The following TRAPPC12 variants were observed in gnomAD, a reference collection of about 807,000 sequenced individuals.
The protein encoded by TRAPPC12 is trafficking protein particle complex subunit 12.
Under a neutral mutation model 69.2 loss-of-function variants are expected in TRAPPC12, and 61 were observed. The observed-to-expected ratio is 0.88, with a 90% CI of 0.72 to 1.09. TRAPPC12 has a LOEUF of 1.09. TRAPPC12 is among the 50% of genes least tolerant of loss of function. The probability of loss-of-function intolerance (pLI) is 0.00; values close to 1 mark genes in which losing one functional copy is unlikely to be tolerated. For missense variants in TRAPPC12, 1,101 were observed against 1,016.4 expected, an observed-to-expected ratio of 1.08 and a Z score of -1.13; for synonymous variants, 469 against 438.9, an observed-to-expected ratio of 1.07 and a Z score of -0.86.
At chr2:3,423,149 C>T (rs1662906520) in intron 4 of TRAPPC12, among the ~76,000 whole-genome samples, 2 of 152,332 alleles carry the variant, frequency 1.3e-5, no homozygotes, top group African/African-American at 4.8e-5. Flanking sequence ...AACCACCCTC[C>T]TTTCCAACTA....
intron 5 of TRAPPC12, among the ~76,000 whole-genome samples, chr2:3,430,876 G>T (rs1479573912): frequency 6.6e-6 from 1 of 152,172 alleles, no homozygotes; most frequent in East Asian, 1.9e-4. Context: ...ACCTTCCGCT[G>T]GGTGTGGGAG....
chr2:3,418,232 A>G (rs1293428462), intron 3 of TRAPPC12, among the ~76,000 whole-genome samples: 1 of 152,118 alleles, frequency 6.6e-6, no homozygotes, highest in East Asian at 1.9e-4. Context: ...CTGCACCATC[A>G]ATATAAATAA....
At chr2:3,426,056 G>A (rs111512913) in intron 5 of TRAPPC12, among the ~76,000 whole-genome samples, 128 of 152,188 alleles carry the variant, frequency 8.4e-4, no homozygotes, top group Non-Finnish European at 1.6e-3. Context: ...CAAGTAGGAC[G>A]GGTGGGAATT....
chr2:3,461,706 G>A (rs1291656491), intron 8 of TRAPPC12, among the ~76,000 whole-genome samples: 1 of 152,210 alleles, frequency 6.6e-6, no homozygotes, highest in Non-Finnish European at 1.5e-5. Context: ...CAGGTGCTTT[G>A]TTCTGGTCCT....
At position 3,443,777 on chromosome 2, in the gene TRAPPC12, A is replaced by G. The variant is rs1267052989; in HGVS notation, c.1418-2A>G. On this transcript the variant is annotated splice_acceptor_variant, in intron 5 of 11. Transcript: ENST00000324266. LOFTEE classifies it high-confidence loss of function. ...ACTCACTCAGCACTGATTGGATTCC[A>G]GGCTCCATGGTCCCCTTCTCGATGC... 1 of 1,613,588 alleles carries G rather than the reference A, an allele frequency of 6.2e-7. No individual in the cohort carries two copies. Among genetic ancestry groups the G allele is most frequent in the African/African-American group, 1.3e-5 (1 of 74,934 alleles).
At position 3,425,934 on chromosome 2, in the gene TRAPPC12, T is replaced by C. The variant is rs147353702; in HGVS notation, c.1417+1271T>C. ...CAAATCTTTGAACTTCTTTGTGTGT[T>C]GTTTTTTTGGTTAAAACTCAGCTCT... On this transcript the variant is annotated intron_variant, in intron 5 of 11. Transcript: ENST00000324266. 5.8e-4 allele frequency among the ~76,000 whole-genome samples: 89 copies of C among 152,362 alleles called. 1 individual carries two copies. The highest frequency in any genetic ancestry group is 2.0e-3 in the African/African-American group (83 of 41,590).
chr2:3,470,343 T>C (rs1666007537), intron 9 of TRAPPC12, among the ~76,000 whole-genome samples: 1 of 152,252 alleles, frequency 6.6e-6, no homozygotes, highest in South Asian at 2.1e-4. Flanking sequence ...AAAAGGCCAT[T>C]CTTCCAGGCC....
chr2:3,405,251 G>A (rs1437555999), intron 3 of TRAPPC12, among the ~76,000 whole-genome samples: 3 of 151,884 alleles, frequency 2.0e-5, no homozygotes, highest in East Asian at 1.9e-4. Flanking sequence ...CAAAATGCCC[G>A]CTTTGTAGAT....
In TRAPPC12 at chr2:3,465,352, C is replaced by T. The variant is rs1346688700; in HGVS notation, c.1678-245C>T. Among the ~76,000 whole-genome samples the T allele has an allele frequency of 3.9e-5, 6 of 152,228 alleles. 1 individual carries two copies. In the South Asian group the frequency reaches 1.0e-3, roughly 26 times the overall value. On this transcript the variant is annotated intron_variant, in intron 8 of 11. Coordinates refer to ENST00000324266, the MANE Select transcript of TRAPPC12 (RefSeq NM_016030.6). ...GGCCCAACTAAACCGCGACAGCCCC[C>T]GGTGACAGGCAGGACCCCGCCGTTG...
intron 3 of TRAPPC12, among the ~76,000 whole-genome samples, chr2:3,402,393 C>A (rs1397055871): frequency 1.3e-5 from 2 of 152,128 alleles, no homozygotes; most frequent in African/African-American, 4.8e-5. Context: ...AGTTCAAGAC[C>A]AGCCTGGCCA....
chr2:3,418,409 C>A (rs1046259409), intron 3 of TRAPPC12, among the ~76,000 whole-genome samples: 8 of 152,188 alleles, frequency 5.3e-5, no homozygotes, highest in Non-Finnish European at 7.4e-5. Context: ...ACGCAAGCCA[C>A]TCGCGGGCTG....
chr2:3,459,320 C>T (rs1665359816), intron 7 of TRAPPC12, among the ~76,000 whole-genome samples: 2 of 152,340 alleles, frequency 1.3e-5, no homozygotes, highest in East Asian at 1.9e-4. Context: ...GAGCGCTGGA[C>T]AAGGGGTCAG....
chr2:3,421,661 C>G, intron 3 of TRAPPC12: 1 of 713,376 alleles, frequency 1.4e-6, no homozygotes, highest in Non-Finnish European at 2.6e-6. Context: ...TGAACTGTAC[C>G]TCACGCTTGG....
intron 2 of TRAPPC12, among the ~76,000 whole-genome samples, chr2:3,397,391 G>C (rs1661194899): frequency 1.3e-5 from 2 of 152,090 alleles, no homozygotes; most frequent in Admixed American, 1.3e-4. Flanking sequence ...TGTGAGCTCT[G>C]GGCTTGCCAG....
At chr2:3,462,199 T>G (rs575176375) in intron 8 of TRAPPC12, among the ~76,000 whole-genome samples, 87 of 152,224 alleles carry the variant, frequency 5.7e-4, no homozygotes, top group Non-Finnish European at 9.7e-4. Flanking sequence ...CGGAATGGGC[T>G]TTTCTTTGTG....
chr2:3,407,006 C>A (rs983693441), intron 3 of TRAPPC12, among the ~76,000 whole-genome samples: 9 of 152,140 alleles, frequency 5.9e-5, no homozygotes, highest in African/African-American at 1.9e-4. Context: ...CTTTACCTTG[C>A]CCTGGTATTT....
At chr2:3,391,931 G>C in intron 2 of TRAPPC12, among the ~76,000 whole-genome samples, 1 of 152,036 alleles carries the variant, frequency 6.6e-6, no homozygotes, top group African/African-American at 2.4e-5. Flanking sequence ...TGCTTGCCTT[G>C]CCGTTTGCTT....
intron 8 of TRAPPC12, chr2:3,462,995 G>C (rs1665592113): frequency 2.1e-6 from 1 of 469,600 alleles, no homozygotes; most frequent in South Asian, 1.6e-5. Context: ...TGTAAATCTA[G>C]TTTCACGGCC....
intron 8 of TRAPPC12, 47 bp from the exon 9 acceptor site, chr2:3,465,550 C>G: frequency 7.7e-7 from 1 of 1,302,098 alleles, no homozygotes; most frequent in Non-Finnish European, 1.1e-6. Context: ...GTGAAACCCA[C>G]AGTGCTGTTC....
Sources: allele counts gnomAD v4.1 joint callset (sites outside exome capture counted in the v4.1 genomes callset), GRCh38; gene constraint gnomAD v4.1.1; transcripts MANE v1.5; gene names NCBI Gene and HGNC (gene_info 2026-07-23, HGNC 2026-07-21).